The following LMNA variants were observed in gnomAD, a reference collection of about 807,000 sequenced individuals.
LMNA encodes the protein lamin A/C.
A neutral mutation model predicts 70.4 loss-of-function variants in LMNA; 20 were observed. The observed-to-expected ratio is 0.28, with a 90% CI of 0.20 to 0.41. LMNA has a LOEUF of 0.41. Among genes scored for constraint, LMNA ranks in the 10% least tolerant of loss-of-function variants. The pLI is 1.00. For synonymous variants in LMNA, 339 were observed against 372.8 expected (o/e 0.91, Z 1.04); for missense variants, 652 against 917.2 (o/e 0.71, Z 3.73).
Position 156,115,319 on chromosome 1 carries a change from G to A in LMNA, c.356+45G>A, listed in dbSNP as rs926052811. Reference sequence around the variant, plus strand: ...TGCGTGCCTGGCGGGGAGTGGAGAGGGCGGCGGGCCGGCGCCCCTGGCCGG... The same window carrying A: ...TGCGTGCCTGGCGGGGAGTGGAGAGAGCGGCGGGCCGGCGCCCCTGGCCGG... On this transcript the variant is annotated intron_variant, in intron 1 of 11. Coordinates refer to ENST00000368300, the MANE Select transcript of LMNA (RefSeq NM_170707.4). The surrounding 1 kb of genome is among the most constrained non-coding windows in gnomAD (Gnocchi z 5.8). The A allele has an allele frequency of 7.7e-6, 12 of 1,549,502 alleles. No homozygotes were observed. In the East Asian group the frequency reaches 2.8e-4, roughly 36 times the overall value.
intron 3 of LMNA, among the ~76,000 whole-genome samples, chr1:156,093,299 ATTT>A (rs758670532): frequency 8.8e-6 from 1 of 113,940 alleles, no homozygotes; most frequent in East Asian, 2.3e-4. Context: ...TTATATGTCA[ATTT>A]TTTTTTTTTT....
rs2102880354 is a variant in LMNA at position 156,134,788 on chromosome 1, TC to T, written c.640-15del. The stretch of plus-strand genomic sequence containing the variant: ...ATTCTGATTTTGGTTTCTGTGTCCT[TC>T]CTCCAACCCTTCCAGGAGCTGCGTG... On this transcript the variant is annotated splice_polypyrimidine_tract_variant and intron_variant, in intron 3 of 11. Coordinates refer to ENST00000368300, the MANE Select transcript of LMNA (RefSeq NM_170707.4). This position sits in a 1 kb window ranked among gnomAD's most constrained non-coding sequence, Gnocchi z 5.3. 1.2e-6 allele frequency: 2 copies of T among 1,614,148 alleles called. No homozygotes were observed. The highest frequency in any genetic ancestry group is 8.5e-7 in the Non-Finnish European group (1 of 1,180,022).
intron 2 of LMNA, among the ~76,000 whole-genome samples, chr1:156,087,606 T>A (rs1648529945): frequency 6.6e-6 from 1 of 152,046 alleles, no homozygotes; most frequent in African/African-American, 2.4e-5. Flanking sequence ...CAGACTGGAA[T>A]GCAGTGGCTT....
At position 156,105,229 on chromosome 1, in the gene LMNA, A is replaced by G. The variant is rs1173291306; in HGVS notation, c.-206-9484A>G. 2.0e-5 allele frequency among the ~76,000 whole-genome samples: 3 copies of G among 152,200 alleles called. No homozygotes were observed. The East Asian group carries it at 5.8e-4, about 29-fold the overall frequency. ...CTGTGGGCTGGCTTAGGGATAGCAG[A>G]CAGGGGAATCTGGGGAGTTGGACTA... is the stretch of plus-strand genomic sequence containing the variant. On this transcript the variant is annotated intron_variant, in intron 3 of 12. Coordinates refer to the LMNA transcript ENST00000368301.
Position 156,139,991 on chromosome 1 carries a change from T to A in LMNA, c.*885T>A. On this transcript the variant is annotated 3_prime_UTR_variant, in exon 12 of 12. Coordinates refer to ENST00000368300, the MANE Select transcript of LMNA (RefSeq NM_170707.4). ...AAGAGGGGGTGGAGGGGTGTGGCAG[T>A]GGTTTTGGCAAACGCTAAAGAGCCC... The A allele has an allele frequency of 1.5e-6, 1 of 664,082 alleles. No homozygotes were observed. The highest frequency in any genetic ancestry group is 2.4e-6 in the Non-Finnish European group (1 of 414,366). The allele number at this position is 664,082 out of a possible 1,614,324, so 41.1% of individuals were successfully genotyped here. A position where few individuals can be genotyped will look rare whatever the true frequency, so the allele number is the denominator to read the frequency against.
chr1:156,120,399 G>A (rs1658072201), intron 1 of LMNA, among the ~76,000 whole-genome samples: 1 of 152,214 alleles, frequency 6.6e-6, no homozygotes. Context: ...GCTCACTTCT[G>A]CAGCCTGGAA....
At chr1:156,105,721 T>C (rs1649307084) in intron 3 of LMNA, among the ~76,000 whole-genome samples, 1 of 152,112 alleles carries the variant, frequency 6.6e-6, no homozygotes, top group African/African-American at 2.4e-5. Context: ...CCCATGTCCA[T>C]AACATTTGCA....
At chr1:156,121,710 T>TGCAGCAGCC (rs2102836025) in intron 1 of LMNA, among the ~76,000 whole-genome samples, 1 of 150,094 alleles carries the variant, frequency 6.7e-6, no homozygotes, top group Admixed American at 6.6e-5. Flanking sequence ...CCCTAGCAGC[T>TGCAGCAGCC]GCAGCAGCCA....
chr1:156,136,264 C>T lies in LMNA; in HGVS notation c.1208C>T (p.Ser403Phe). The part of the protein sequence containing the change: ...PTSQRSRGRA[S>F]SHSSQTQGGG... ...TCGCAGCGCAGCCGTGGCCGTGCTT[C>T]CTCTCACTCATCCCAGACACAGGGT... is the stretch of plus-strand genomic sequence containing the variant. Residue 403 changes from serine to phenylalanine, a missense_variant, in exon 7 of 12, where the codon TCC becomes TTC. Transcript: ENST00000368300. This position sits in a 1 kb window ranked among gnomAD's most constrained non-coding sequence, Gnocchi z 6.1. 6.2e-7 allele frequency: 1 copy of T among 1,612,060 alleles called. No individual in the cohort carries two copies. The highest frequency in any genetic ancestry group is 8.5e-7 in the Non-Finnish European group (1 of 1,180,022).
At chr1:156,094,629 G>A (rs539230142) in intron 3 of LMNA, among the ~76,000 whole-genome samples, 9 of 152,298 alleles carry the variant, frequency 5.9e-5, no homozygotes, top group African/African-American at 1.9e-4. Flanking sequence ...GATTACAGGC[G>A]TGAGCCACCG....
chr1:156,112,175 G>A (rs978031261), upstream of LMNA, among the ~76,000 whole-genome samples: 1 of 152,122 alleles, frequency 6.6e-6, no homozygotes, highest in Admixed American at 6.6e-5. Context: ...CCAGCGCTTT[G>A]GAAGGCTGAA....
upstream of LMNA, chr1:156,109,874 G>C (rs1649474368): frequency 6.7e-6 from 1 of 150,370 alleles, no homozygotes; most frequent in Admixed American, 6.6e-5. Flanking sequence ...TTTTGAGACA[G>C]GGTTTCTCTC....
chr1:156,108,628 T>C (rs1315400922), intron 3 of LMNA, among the ~76,000 whole-genome samples: 1 of 152,068 alleles, frequency 6.6e-6, no homozygotes, highest in African/African-American at 2.4e-5. Flanking sequence ...GCTAATTTTT[T>C]AGTGGCGCAT....
intron 2 of LMNA, among the ~76,000 whole-genome samples, chr1:156,131,467 A>G (rs776573522): frequency 6.9e-4 from 103 of 148,884 alleles, no homozygotes; most frequent in Non-Finnish European, 1.1e-3. Flanking sequence ...GTGTGCACCT[A>G]TAGTCCCAGC....
At chr1:156,105,661 C>T (rs1649304954) in intron 3 of LMNA, among the ~76,000 whole-genome samples, 1 of 152,180 alleles carries the variant, frequency 6.6e-6, no homozygotes. Context: ...CTCAGTTGCA[C>T]GGGCCCTTTC....
intron 3 of LMNA, among the ~76,000 whole-genome samples, chr1:156,095,163 A>G (rs1037959553): frequency 1.3e-5 from 2 of 151,966 alleles, no homozygotes; most frequent in Non-Finnish European, 2.9e-5. Context: ...TCCTGACCTC[A>G]GGTGATCTGT....
At chr1:156,123,437 C>G (rs182929966) in intron 1 of LMNA, 1 of 152,320 alleles carries the variant, frequency 6.6e-6, no homozygotes, top group East Asian at 1.9e-4. Flanking sequence ...GTGTGGCTCC[C>G]ACTCTCTCCC....
rs192144695 is a variant in LMNA at position 156,124,098 on chromosome 1, G to A, written c.357-6519G>A. On this transcript the variant is annotated intron_variant, in intron 1 of 11. Transcript: ENST00000368300. ...CTGTTTGGCAGGTGTCACGCCCAAG[G>A]GAAGCGTGTGGAAGCAGAGCCATGC... Among the ~76,000 whole-genome samples the A allele has an allele frequency of 7.9e-5, 12 of 152,306 alleles. No individual in the cohort carries two copies. In the East Asian group the frequency reaches 2.3e-3, roughly 29 times the overall value.
At chr1:156,097,269 C>A (rs187735690) in intron 3 of LMNA, among the ~76,000 whole-genome samples, 2 of 152,162 alleles carry the variant, frequency 1.3e-5, no homozygotes, top group Non-Finnish European at 2.9e-5. Flanking sequence ...AGCAGTGATT[C>A]ACCACAGGAA....
Sources: gnomAD v4.1 joint callset for allele counts (sites outside exome capture counted in the v4.1 genomes callset) on GRCh38, gnomAD v4.1.1 for gene constraint, Gnocchi (gnomAD v3.1) non-coding constraint, MANE v1.5 for transcripts, NCBI Gene and HGNC (gene_info 2026-07-23, HGNC 2026-07-21) for gene names.